Variants in OTUD7A observed in about 807,000 individuals in gnomAD.
OTUD7A encodes the protein OTU domain-containing protein 7A.
Under a neutral mutation model 65.7 loss-of-function variants are expected in OTUD7A, and 12 were observed. That is an observed-to-expected ratio of 0.18 (90% CI 0.12 to 0.30). The LOEUF (loss-of-function observed/expected upper bound fraction) is 0.30, where lower values mean the gene tolerates loss of function less well. Ranked by LOEUF, OTUD7A falls within the 10% of genes least tolerant of loss-of-function variation. OTUD7A has a pLI of 1.00. For synonymous variants in OTUD7A, 641 were observed against 586.3 expected, an observed-to-expected ratio of 1.09 and a Z score of -1.35; for missense variants, 1,148 against 1,304.8, an observed-to-expected ratio of 0.88 and a Z score of 1.85.
chr15:31,574,214 CAT>C (rs1889137371), intron 3 of OTUD7A, among the ~76,000 whole-genome samples: 1 of 152,010 alleles, frequency 6.6e-6, no homozygotes, highest in Non-Finnish European at 1.5e-5. Context: ...TAACCATTAA[CAT>C]AGTTTTTTAA....
intron 3 of OTUD7A, among the ~76,000 whole-genome samples, chr15:31,611,044 C>G (rs1029766141): frequency 1.3e-5 from 2 of 152,030 alleles, no homozygotes; most frequent in Non-Finnish European, 2.9e-5. Flanking sequence ...GTAACCTATT[C>G]CTGAATGATC....
chr15:31,528,222 T>C (rs1030361867), intron 6 of OTUD7A, among the ~76,000 whole-genome samples: 79 of 151,816 alleles, frequency 5.2e-4, no homozygotes, highest in Middle Eastern at 6.8e-3. Flanking sequence ...CGAGGAGAGG[T>C]GAGGCAGGCA....
At chr15:31,849,608 G>A (rs1476278248) in intron 1 of OTUD7A, among the ~76,000 whole-genome samples, 8 of 152,134 alleles carry the variant, frequency 5.3e-5, no homozygotes, top group Non-Finnish European at 8.8e-5. Context: ...CCATCAGAGT[G>A]AACAGGCAAC....
intron 1 of OTUD7A, among the ~76,000 whole-genome samples, chr15:31,737,754 T>C (rs932782463): frequency 3.3e-5 from 5 of 152,212 alleles, no homozygotes; most frequent in African/African-American, 1.2e-4. Flanking sequence ...ATAGACTGAA[T>C]GTGTTCATAC....
intron 3 of OTUD7A, among the ~76,000 whole-genome samples, chr15:31,634,396 C>T (rs964150588): frequency 2.0e-5 from 3 of 152,296 alleles, no homozygotes; most frequent in South Asian, 2.1e-4. Flanking sequence ...TCTTCCACGA[C>T]GTTTCTCTAC....
At chr15:31,555,612 T>C (rs1001883538) in intron 5 of OTUD7A, among the ~76,000 whole-genome samples, 1 of 152,120 alleles carries the variant, frequency 6.6e-6, no homozygotes, top group Non-Finnish European at 1.5e-5. Flanking sequence ...CTCACCCAGA[T>C]GGGCTGTGGG....
At chr15:31,635,215 C>T (rs1446537734) in intron 3 of OTUD7A, among the ~76,000 whole-genome samples, 3 of 152,166 alleles carry the variant, frequency 2.0e-5, no homozygotes, top group Non-Finnish European at 2.9e-5. Context: ...GAAAGACTCT[C>T]CTTTGTTTTG....
intron 3 of OTUD7A, among the ~76,000 whole-genome samples, chr15:31,606,500 T>C (rs941419222): frequency 2.0e-5 from 3 of 152,212 alleles, no homozygotes; most frequent in African/African-American, 7.2e-5. Context: ...TTAGTATGAC[T>C]AGTAAAATGT....
intron 10 of OTUD7A, among the ~76,000 whole-genome samples, chr15:31,493,274 C>T (rs562777279): frequency 7.2e-5 from 11 of 152,212 alleles, no homozygotes; most frequent in Middle Eastern, 3.4e-3. Context: ...ACAACATGGA[C>T]TGTTACCAAA....
intron 1 of OTUD7A, among the ~76,000 whole-genome samples, chr15:31,838,590 T>C (rs931263930): frequency 2.6e-5 from 4 of 151,950 alleles, no homozygotes; most frequent in Non-Finnish European, 5.9e-5. Context: ...CCACTAATAA[T>C]CTTGAGGACA....
Position 31,816,544 on chromosome 15 carries a change from AAT to A in OTUD7A, c.-100+53961_-100+53962del, listed in dbSNP as rs869059711. On this transcript the variant is annotated intron_variant, in intron 1 of 12. Coordinates refer to ENST00000307050, the MANE Select transcript of OTUD7A (RefSeq NM_001382637.1). ...TCTCTACTAAAAATACAAAAAAAAA[AAT>A]AGCCTGGCACAGTGGCGGGCACCTG... Among the ~76,000 whole-genome samples, 544 of 118,542 alleles carry A rather than the reference AAT, an allele frequency of 4.6e-3. 1 individual carries two copies. Among genetic ancestry groups the A allele is most frequent in the South Asian group, 0.03 (84 of 2,836 alleles). The allele number at this position is 118,542 out of a possible 152,430, so 77.8% of individuals were successfully genotyped here.
chr15:31,863,011 G>A (rs1368848702), intron 1 of OTUD7A, among the ~76,000 whole-genome samples: 1 of 152,172 alleles, frequency 6.6e-6, no homozygotes, highest in African/African-American at 2.4e-5. Context: ...CCAAAATAAA[G>A]GGGTTACAAG....
At chr15:31,771,662 C>T (rs753506052) in intron 1 of OTUD7A, among the ~76,000 whole-genome samples, 3 of 152,196 alleles carry the variant, frequency 2.0e-5, no homozygotes, top group Non-Finnish European at 2.9e-5. Context: ...TCCATCTCCA[C>T]CTCCACCCTG....
chr15:31,742,845 A>G (rs1894379339), intron 1 of OTUD7A, among the ~76,000 whole-genome samples: 1 of 152,238 alleles, frequency 6.6e-6, no homozygotes, highest in Admixed American at 6.5e-5. Context: ...CAAACAAAAG[A>G]GACTTCAAGA....
At chr15:31,546,447 G>T (rs1436541300) in intron 5 of OTUD7A, among the ~76,000 whole-genome samples, 2 of 152,138 alleles carry the variant, frequency 1.3e-5, no homozygotes, top group African/African-American at 4.8e-5. Context: ...TGATCTCCCA[G>T]AATTAGTGTT....
intron 5 of OTUD7A, among the ~76,000 whole-genome samples, chr15:31,532,581 T>C (rs1320578714): frequency 1.3e-5 from 2 of 150,648 alleles, no homozygotes; most frequent in Non-Finnish European, 3.0e-5. Context: ...CATGTGGGAC[T>C]GCGACAAAAG....
At chr15:31,776,572 G>A (rs1372564965) in intron 1 of OTUD7A, among the ~76,000 whole-genome samples, 1 of 152,202 alleles carries the variant, frequency 6.6e-6, no homozygotes, top group Non-Finnish European at 1.5e-5. Flanking sequence ...TGTGGGGACA[G>A]GGGCATCCCA....
intron 1 of OTUD7A, among the ~76,000 whole-genome samples, chr15:31,685,326 C>A (rs1892810769): frequency 6.6e-6 from 1 of 152,134 alleles, no homozygotes; most frequent in Non-Finnish European, 1.5e-5. Context: ...CTTATTTCCG[C>A]ATTTGTTTCC....
chr15:31,760,145 ACT>A (rs1894922711), intron 1 of OTUD7A, among the ~76,000 whole-genome samples: 1 of 152,040 alleles, frequency 6.6e-6, no homozygotes, highest in Non-Finnish European at 1.5e-5. Flanking sequence ...CTAATGGAGA[ACT>A]CTTGATCTTC....
Sources: allele counts gnomAD v4.1 joint callset (sites outside exome capture counted in the v4.1 genomes callset), GRCh38; gene constraint gnomAD v4.1.1; transcripts MANE v1.5; gene names NCBI Gene and HGNC (gene_info 2026-07-23, HGNC 2026-07-21).